The following TMTC2 variants were observed in gnomAD, a reference collection of about 807,000 sequenced individuals.
TMTC2 encodes the protein protein O-mannosyl-transferase TMTC2.
In TMTC2, 43 loss-of-function variants were observed where a neutral mutation model predicts 82.4. The ratio of observed to expected loss-of-function variants is 0.52; its 90% CI spans 0.41 to 0.67. TMTC2 has a LOEUF of 0.67. Ranked by LOEUF, TMTC2 falls within the 30% of genes least tolerant of loss-of-function variation. TMTC2 has a pLI of 0.00. For missense variants in TMTC2, 919 were observed against 1,012.4 expected (o/e 0.91, Z 1.25); for synonymous variants, 408 against 381.9 (o/e 1.07, Z -0.80).
chr12:82,927,443 C>A (rs920331854), intron 3 of TMTC2, among the ~76,000 whole-genome samples: 2 of 152,124 alleles, frequency 1.3e-5, no homozygotes, highest in Admixed American at 6.5e-5. Flanking sequence ...AAAGTGGTTT[C>A]TTGAGGTGCA....
intron 1 of TMTC2, among the ~76,000 whole-genome samples, chr12:82,732,722 C>T (rs186742911): frequency 6.6e-6 from 1 of 152,264 alleles, no homozygotes; most frequent in East Asian, 1.9e-4. Flanking sequence ...ATTTTGGTTT[C>T]CAGCTGTGTG....
intron 9 of TMTC2, among the ~76,000 whole-genome samples, chr12:83,043,723 T>G (rs1881981332): frequency 6.6e-6 from 1 of 152,202 alleles, no homozygotes; most frequent in Non-Finnish European, 1.5e-5. Context: ...AATATTGTGT[T>G]TATCTTTGTA....
At chr12:82,965,277 TC>T (rs1321037564) in intron 5 of TMTC2, among the ~76,000 whole-genome samples, 168 bp downstream of exon 5, 215 of 152,228 alleles carry the variant, frequency 1.4e-3, no homozygotes, top group Middle Eastern at 6.8e-3. Context: ...TACTTTAATG[TC>T]CATTGATCAT....
intron 4 of TMTC2, among the ~76,000 whole-genome samples, chr12:82,934,792 G>A (rs1373751875): frequency 2.0e-5 from 3 of 152,012 alleles, no homozygotes; most frequent in Non-Finnish European, 4.4e-5. Flanking sequence ...TTGAGGAATC[G>A]CCACACTGTC....
intron 1 of TMTC2, among the ~76,000 whole-genome samples, chr12:82,712,300 C>T (rs781309907): frequency 2.6e-5 from 4 of 151,978 alleles, no homozygotes; most frequent in African/African-American, 4.8e-5. Flanking sequence ...CGTGGTGGCA[C>T]GCGCCTGTAA....
chr12:83,029,465 C>T (rs1217654107), intron 8 of TMTC2, among the ~76,000 whole-genome samples: 1 of 152,138 alleles, frequency 6.6e-6, no homozygotes, highest in Non-Finnish European at 1.5e-5. Context: ...TTATATACCT[C>T]TAACTTTAGA....
At chr12:82,739,598 T>A (rs1301445798) in intron 1 of TMTC2, among the ~76,000 whole-genome samples, 2 of 152,068 alleles carry the variant, frequency 1.3e-5, no homozygotes, top group East Asian at 3.8e-4. Flanking sequence ...TCCATCATGT[T>A]TAAGTCACTT....
rs1555199284 is a variant in TMTC2, at chr12:82,937,928, T to TTA, written c.1598+7384_1598+7385insAT. ...CAAACCTTTTTTTTTTTTTATTTTT[T>TTA]TTTTTTGAGACAGTCTTACGCTGTC... On this transcript the variant is annotated intron_variant, in intron 4 of 11. Transcript: ENST00000321196. 2.1e-4 allele frequency among the ~76,000 whole-genome samples: 18 copies of TTA among 86,100 alleles called. No homozygotes were observed. In the South Asian group the frequency reaches 3.3e-3, roughly 16 times the overall value. The allele number at this position is 86,100 out of a possible 152,430, so 56.5% of individuals were successfully genotyped here. A position where few individuals can be genotyped will look rare whatever the true frequency, so the allele number is the denominator to read the frequency against.
chr12:83,014,484 C>T (rs1029047358), intron 8 of TMTC2, among the ~76,000 whole-genome samples: 4 of 152,170 alleles, frequency 2.6e-5, no homozygotes, highest in Admixed American at 6.5e-5. Context: ...GGACTACAGG[C>T]GTCCGCCACC....
intron 7 of TMTC2, among the ~76,000 whole-genome samples, chr12:82,974,183 A>G (rs377737674): frequency 8.5e-5 from 13 of 152,244 alleles, no homozygotes; most frequent in African/African-American, 3.1e-4. Context: ...AGCCTGGTCA[A>G]CATGGAGAGA....
intron 1 of TMTC2, among the ~76,000 whole-genome samples, chr12:82,710,376 T>C (rs1348966915): frequency 6.6e-6 from 1 of 152,226 alleles, no homozygotes; most frequent in Non-Finnish European, 1.5e-5. Flanking sequence ...ATTTAAGCTA[T>C]ATTGCCACCT....
At position 82,845,252 on chromosome 12, in the gene TMTC2, A is replaced by AAAT. The variant is rs1555190264; in HGVS notation, c.84-11757_84-11756insATA. On this transcript the variant is annotated intron_variant, in intron 1 of 11. Coordinates refer to ENST00000321196, the MANE Select transcript of TMTC2 (RefSeq NM_152588.3). ...AAAAAAAAAAAAAAAAAAAAAAAAA[A>AAAT]ATATATATATATATATATATATTGA... Among the ~76,000 whole-genome samples the AAAT allele has an allele frequency of 5.3e-3, 204 of 38,668 alleles. 5 individuals carry two copies. Among genetic ancestry groups the AAAT allele is most frequent in the East Asian group, 7.3e-3 (7 of 954 alleles). 25.4% of individuals were successfully genotyped at this position (38,668 alleles called of 152,430 possible).
intron 8 of TMTC2, 52 bp downstream of exon 8, chr12:82,986,098 C>A (rs374238343): frequency 6.2e-7 from 1 of 1,612,290 alleles, no homozygotes; most frequent in Non-Finnish European, 8.5e-7. Context: ...CCATGCAGAC[C>A]GGGATAGATG....
Position 83,132,301 on chromosome 12 carries a change from T to C in TMTC2, c.2423T>C (p.Leu808Pro). Reference sequence around the variant, plus strand: ...GCCAACTACCTGCGGGCCCTGCAGCTCAAGCCAGACGATGTCATCACACAG... The same window carrying C: ...GCCAACTACCTGCGGGCCCTGCAGCCCAAGCCAGACGATGTCATCACACAG... ...AEANYLRALQ[L>P]KPDDVITQSN... Residue 808 changes from leucine to proline, a missense_variant, in exon 12 of 12, where the codon CTC (leucine) becomes CCC (proline). Transcript: ENST00000321196. 1 of 1,614,032 alleles carries C rather than the reference T, an allele frequency of 6.2e-7. No homozygotes were observed. The highest frequency in any genetic ancestry group is 8.5e-7 in the Non-Finnish European group (1 of 1,179,976).
At chr12:83,013,505 G>T (rs1028750005) in intron 8 of TMTC2, among the ~76,000 whole-genome samples, 2 of 152,054 alleles carry the variant, frequency 1.3e-5, no homozygotes, top group East Asian at 1.9e-4. Flanking sequence ...CTATCTGCTG[G>T]ATATAATGCC....
chr12:82,995,107 T>C (rs1367505924), intron 8 of TMTC2, among the ~76,000 whole-genome samples: 2 of 152,246 alleles, frequency 1.3e-5, no homozygotes, highest in Non-Finnish European at 2.9e-5. Context: ...TAGTTTATGC[T>C]TTATGTTTCC....
chr12:82,717,866 C>T (rs976153950), intron 1 of TMTC2, among the ~76,000 whole-genome samples: 1 of 152,152 alleles, frequency 6.6e-6, no homozygotes, highest in South Asian at 2.1e-4. Context: ...ACAAAGTAGC[C>T]TAATTTCCTG....
intron 1 of TMTC2, among the ~76,000 whole-genome samples, chr12:82,740,973 A>T (rs1447044986): frequency 6.6e-6 from 1 of 152,110 alleles, no homozygotes; most frequent in East Asian, 1.9e-4. Context: ...CTCTGTCTTG[A>T]TGTGAAGGAG....
At chr12:82,962,049 C>G (rs565911130) in intron 4 of TMTC2, among the ~76,000 whole-genome samples, 16 of 152,096 alleles carry the variant, frequency 1.1e-4, no homozygotes, top group African/African-American at 3.6e-4. Flanking sequence ...TTGCTGAATT[C>G]CTCTGAGTGA....
Sources: allele counts gnomAD v4.1 joint callset (sites outside exome capture counted in the v4.1 genomes callset), GRCh38; gene constraint gnomAD v4.1.1; transcripts MANE v1.5; gene names NCBI Gene and HGNC (gene_info 2026-07-23, HGNC 2026-07-21).